KAZN: variants seen among roughly 807,000 people sequenced by gnomAD.
The protein encoded by KAZN is kazrin, periplakin interacting protein.
KAZN carries 40 observed loss-of-function variants against 87.4 expected under a neutral mutation model. The ratio of observed to expected loss-of-function variants is 0.46; its 90% confidence interval spans 0.36 to 0.60. KAZN has a LOEUF of 0.60. KAZN is among the 20% of genes least tolerant of loss of function. The pLI is 0.00. For missense variants in KAZN, 898 were observed against 1,073.9 expected, an observed-to-expected ratio of 0.84 and a Z score of 2.29; for synonymous variants, 466 against 458.3, an observed-to-expected ratio of 1.02 and a Z score of -0.22.
At chr1:14,646,227 A>G (rs191269783) in intron 1 of KAZN, among the ~76,000 whole-genome samples, 1 of 152,244 alleles carries the variant, frequency 6.6e-6, no homozygotes, top group Admixed American at 6.5e-5. Context: ...ATACATCTCA[A>G]AAAACATCAG....
At chr1:15,088,260 G>A (rs889924315) in intron 8 of KAZN, among the ~76,000 whole-genome samples, 2 of 152,214 alleles carry the variant, frequency 1.3e-5, no homozygotes, top group African/African-American at 2.4e-5. Context: ...GGCTGGATTC[G>A]GCCTGGGAGG....
At chr1:14,244,357 G>A (rs922380227) in intron 2 of KAZN, among the ~76,000 whole-genome samples, 2 of 152,134 alleles carry the variant, frequency 1.3e-5, no homozygotes, top group Non-Finnish European at 2.9e-5. Flanking sequence ...TGGCTCATAC[G>A]AACTCTCTAA....
At chr1:14,212,734 C>T (rs1199919869) in intron 2 of KAZN, among the ~76,000 whole-genome samples, 2 of 152,144 alleles carry the variant, frequency 1.3e-5, no homozygotes, top group Admixed American at 6.5e-5. Context: ...AACCTCCCAC[C>T]TCCAGAAACA....
At chr1:14,534,782 C>T (rs934754135) in intron 2 of KAZN, among the ~76,000 whole-genome samples, 7 of 152,176 alleles carry the variant, frequency 4.6e-5, no homozygotes, top group African/African-American at 9.7e-5. Flanking sequence ...TTTTAGGCCA[C>T]GGAATCTTTA....
chr1:14,902,755 A>G (rs1205322372), intron 1 of KAZN, among the ~76,000 whole-genome samples: 1 of 152,156 alleles, frequency 6.6e-6, no homozygotes, highest in African/African-American at 2.4e-5. Flanking sequence ...GTGGACAGGT[A>G]GGCCCTCTGA....
intron 7 of KAZN, among the ~76,000 whole-genome samples, chr1:15,064,049 C>T (rs1435700130): frequency 6.6e-6 from 1 of 152,252 alleles, no homozygotes; most frequent in African/African-American, 2.4e-5. Context: ...CTTACCCTGG[C>T]AGCCAGCTCT....
At chr1:14,283,444 C>T (rs1031011972) in intron 2 of KAZN, among the ~76,000 whole-genome samples, 2 of 152,220 alleles carry the variant, frequency 1.3e-5, no homozygotes, top group Non-Finnish European at 2.9e-5. Flanking sequence ...TCCAAACAGA[C>T]GTCTCTTACA....
chr1:14,829,197 CT>C (rs1399661594), intron 1 of KAZN, among the ~76,000 whole-genome samples: 2 of 152,202 alleles, frequency 1.3e-5, no homozygotes, highest in African/African-American at 2.4e-5. Context: ...CCCCAAGTCC[CT>C]TTGAGCCATG....
chr1:14,279,979 C>A (rs1247697192), intron 2 of KAZN, among the ~76,000 whole-genome samples: 2 of 152,078 alleles, frequency 1.3e-5, no homozygotes, highest in African/African-American at 4.8e-5. Context: ...TCGTGTCCCC[C>A]CAAAAATCCA....
intron 2 of KAZN, among the ~76,000 whole-genome samples, chr1:14,972,730 G>A (rs1034692866): frequency 1.3e-5 from 2 of 151,970 alleles, no homozygotes; most frequent in African/African-American, 2.4e-5. Context: ...GGCCAGGCTG[G>A]TCTCGAACTC....
intron 1 of KAZN, among the ~76,000 whole-genome samples, chr1:13,947,648 G>T (rs1251356699): frequency 1.3e-5 from 2 of 152,160 alleles, no homozygotes; most frequent in African/African-American, 4.8e-5. Context: ...CTTCAGACTG[G>T]GGGCTTAAAC....
intron 2 of KAZN, among the ~76,000 whole-genome samples, chr1:14,340,714 G>A (rs543307794): frequency 6.4e-4 from 98 of 152,110 alleles, no homozygotes; most frequent in Admixed American, 2.4e-3. Flanking sequence ...CGTGGAAGGA[G>A]CCAGTTTTGC....
intron 11 of KAZN, among the ~76,000 whole-genome samples, chr1:15,102,005 C>A (rs1428868828): frequency 6.6e-6 from 1 of 152,168 alleles, no homozygotes. Context: ...CTCCTTCTTT[C>A]CAACAACCCC....
At chr1:14,830,144 G>A (rs546179553) in intron 1 of KAZN, among the ~76,000 whole-genome samples, 84 of 152,330 alleles carry the variant, frequency 5.5e-4, no homozygotes, top group African/African-American at 1.8e-3. Context: ...GCTGGATCCA[G>A]GGGCTCAAGT....
At chr1:14,974,791 C>T (rs888423678) in intron 2 of KAZN, among the ~76,000 whole-genome samples, 5 of 152,196 alleles carry the variant, frequency 3.3e-5, no homozygotes, top group African/African-American at 1.2e-4. Flanking sequence ...CCTGTAGGAA[C>T]GTGGGCTTAT....
chr1:14,727,039 T>G (rs1373001778), intron 1 of KAZN, among the ~76,000 whole-genome samples: 1 of 152,202 alleles, frequency 6.6e-6, no homozygotes, highest in African/African-American at 2.4e-5. Flanking sequence ...AAGTGCTCAG[T>G]GGAAACCATA....
rs114583939 is a variant in KAZN, at chr1:14,785,825, T to G, written c.227-174859T>G. ...GGCAATGTTTCTCACTGCAGAGCTG[T>G]GCTTCCTCCTGAAAAATATTAATAA... On this transcript the variant is annotated intron_variant, in intron 1 of 14. Coordinates refer to ENST00000376030, the MANE Select transcript of KAZN (RefSeq NM_201628.3). Among the ~76,000 whole-genome samples, 1,354 of 152,332 alleles carry G rather than the reference T, an allele frequency of 8.9e-3. 24 individuals are homozygous for G. The highest frequency in any genetic ancestry group is 0.031 in the African/African-American group (1,293 of 41,570).
chr1:14,742,505 GA>G lies in KAZN; in HGVS notation c.226+143291del, dbSNP rs565002342. ...TGAATGAATGAAGGAATGAGCGAAT[GA>G]AAAAAAAACCAATGAGTCAGTTCAT... On this transcript the variant is annotated intron_variant, in intron 1 of 14. Coordinates refer to ENST00000376030, the MANE Select transcript of KAZN (RefSeq NM_201628.3). Among the ~76,000 whole-genome samples, 484 of 150,762 alleles carry G rather than the reference GA, an allele frequency of 3.2e-3. 7 individuals are homozygous for G. In the East Asian group the frequency reaches 0.043, roughly 13 times the overall value.
intron 2 of KAZN, among the ~76,000 whole-genome samples, chr1:14,215,240 A>G (rs754716531): frequency 3.9e-5 from 6 of 152,228 alleles, no homozygotes; most frequent in Non-Finnish European, 7.3e-5. Context: ...TTAGATAAGT[A>G]TGATGTAGAA....
Sources: gnomAD v4.1 joint callset for allele counts (sites outside exome capture counted in the v4.1 genomes callset) on GRCh38, gnomAD v4.1.1 for gene constraint, MANE v1.5 for transcripts, NCBI Gene and HGNC (gene_info 2026-07-23, HGNC 2026-07-21) for gene names.